Variants in FRMPD4 observed in about 807,000 individuals in gnomAD.
The protein encoded by FRMPD4 is FERM and PDZ domain containing 4, also known as FERM and PDZ domain-containing protein 4.
A neutral mutation model predicts 94.1 loss-of-function variants in FRMPD4; 22 were observed. The ratio of observed to expected loss-of-function variants is 0.23; its 90% CI spans 0.17 to 0.33. FRMPD4 has a LOEUF of 0.33. Ranked by LOEUF, FRMPD4 falls within the 10% of genes least tolerant of loss-of-function variation. The probability of loss-of-function intolerance (pLI) is 1.00; values close to 1 mark genes in which losing one functional copy is unlikely to be tolerated. For missense variants in FRMPD4, 1,111 were observed against 1,339.9 expected (o/e 0.83, Z 2.67); for synonymous variants, 631 against 548.6 (o/e 1.15, Z -2.10).
rs60928679 is a variant in FRMPD4 at position 11,862,703 on chromosome X, C to T, written c.-160-2383C>T. Among the ~76,000 whole-genome samples, 553 of 111,227 alleles carry T rather than the reference C, an allele frequency of 5.0e-3. 6 individuals carry two copies. The highest frequency in any genetic ancestry group is 0.017 in the African/African-American group (526 of 30,612). ...TGAGCTTGGCTCAGGAACTCCCTGA[C>T]AGTTTTGCTGAACCTTCCTTAGACA... is the stretch of plus-strand genomic sequence containing the variant. On this transcript the variant is annotated intron_variant, in intron 1 of 18. Coordinates refer to the FRMPD4 transcript ENST00000640291.
At chrX:12,634,691 C>T (rs940553478) in intron 4 of FRMPD4, among the ~76,000 whole-genome samples, 8 of 111,216 alleles carry the variant, frequency 7.2e-5, no homozygotes, top group African/African-American at 2.6e-4. Flanking sequence ...GCCCCTTGAA[C>T]GCTACATGTA....
At chrX:12,290,382 C>A (rs757967078) in intron 1 of FRMPD4, among the ~76,000 whole-genome samples, 2 of 112,292 alleles carry the variant, frequency 1.8e-5, no homozygotes, top group Non-Finnish European at 3.8e-5. Flanking sequence ...ACTTCACAAG[C>A]CTTACCATTG....
At chrX:12,072,520 A>G (rs2054978368) in intron 3 of FRMPD4, among the ~76,000 whole-genome samples, 2 of 111,540 alleles carry the variant, frequency 1.8e-5, no homozygotes. Context: ...GGTTGTGTGC[A>G]TTTCCTAGCA....
intron 1 of FRMPD4, among the ~76,000 whole-genome samples, chrX:12,156,498 G>A (rs1330807353): frequency 2.7e-5 from 3 of 111,514 alleles, no homozygotes; most frequent in Non-Finnish European, 5.6e-5. Context: ...CTGATTCATC[G>A]GCTGGTGACA....
intron 1 of FRMPD4, among the ~76,000 whole-genome samples, chrX:12,477,230 T>C (rs1476247449): frequency 9.0e-6 from 1 of 111,028 alleles, no homozygotes; most frequent in Non-Finnish European, 1.9e-5. Context: ...CCACATGTTC[T>C]CACTCGTAGG....
intron 8 of FRMPD4, among the ~76,000 whole-genome samples, chrX:12,692,669 C>T (rs1414730810): frequency 8.9e-6 from 1 of 111,891 alleles, no homozygotes; most frequent in East Asian, 2.8e-4. Context: ...TTTTGCATTA[C>T]GTTAATTCAT....
At chrX:12,561,266 A>T (rs2058657522) in intron 2 of FRMPD4, among the ~76,000 whole-genome samples, 1 of 112,797 alleles carries the variant, frequency 8.9e-6, no homozygotes, top group Non-Finnish European at 1.9e-5. Context: ...AAAACAATAA[A>T]AAAAGTTAAA....
chrX:11,998,737 C>A (rs2054509374), intron 3 of FRMPD4, among the ~76,000 whole-genome samples: 1 of 111,931 alleles, frequency 8.9e-6, no homozygotes, highest in African/African-American at 3.2e-5. Context: ...ATTGTTCATA[C>A]TCAGAGGATA....
chrX:12,147,496 C>T lies in FRMPD4; in HGVS notation c.41+8484C>T, dbSNP rs565730981. Among the ~76,000 whole-genome samples the T allele has an allele frequency of 8.9e-4, 100 of 112,524 alleles. 1 individual carries two copies. The highest frequency in any genetic ancestry group is 9.1e-3 in the Middle Eastern group (2 of 219). On this transcript the variant is annotated intron_variant, in intron 1 of 16. Coordinates refer to ENST00000675598, the MANE Select transcript of FRMPD4 (RefSeq NM_001368397.1). ...TCAGGCAAACCTGTGAGCATGAAAACAGATGCTTATTCTTGTATGACACTG... is the reference window on the plus strand; with the variant it reads ...TCAGGCAAACCTGTGAGCATGAAAATAGATGCTTATTCTTGTATGACACTG...
intron 3 of FRMPD4, among the ~76,000 whole-genome samples, chrX:11,996,127 A>T: frequency 8.9e-6 from 1 of 112,156 alleles, no homozygotes. Context: ...AAGAAAAAAA[A>T]ATAAAGCAGA....
At chrX:11,860,193 T>C (rs773648563) in intron 1 of FRMPD4, among the ~76,000 whole-genome samples, 1 of 112,758 alleles carries the variant, frequency 8.9e-6, no homozygotes, top group Non-Finnish European at 1.9e-5. Context: ...AGATATTGTT[T>C]TCTCTTTAAG....
intron 1 of FRMPD4, among the ~76,000 whole-genome samples, chrX:12,297,597 G>T (rs887313924): frequency 8.9e-6 from 1 of 111,859 alleles, no homozygotes; most frequent in African/African-American, 3.3e-5. Flanking sequence ...ATAAGAAATT[G>T]TGGGAGACGA....
intron 4 of FRMPD4, among the ~76,000 whole-genome samples, chrX:12,646,052 T>A (rs1048033676): frequency 8.9e-6 from 1 of 112,154 alleles, no homozygotes; most frequent in Admixed American, 9.5e-5. Flanking sequence ...TTTTAGAGGA[T>A]AGATAAGGAA....
chrX:12,368,415 A>G (rs771276290), intron 1 of FRMPD4, among the ~76,000 whole-genome samples: 2 of 112,191 alleles, frequency 1.8e-5, no homozygotes, highest in Admixed American at 9.5e-5. Flanking sequence ...TATTCTTTCC[A>G]GTAAAGTGAG....
chrX:12,328,423 C>G (rs114246673), intron 1 of FRMPD4, among the ~76,000 whole-genome samples: 3,104 of 111,605 alleles, frequency 0.028, 111 homozygotes, highest in African/African-American at 0.097. Context: ...CCAGCTGAGG[C>G]CACACTAGAC....
At chrX:11,902,763 G>T (rs1007937963) in intron 3 of FRMPD4, among the ~76,000 whole-genome samples, 3 of 111,193 alleles carry the variant, frequency 2.7e-5, no homozygotes, top group Admixed American at 9.6e-5. Context: ...AAATGGAAAT[G>T]GTGGGGGCCT....
chrX:12,187,459 C>T (rs1422712261), intron 1 of FRMPD4, among the ~76,000 whole-genome samples: 1 of 111,651 alleles, frequency 9.0e-6, no homozygotes, highest in Non-Finnish European at 1.9e-5. Context: ...GAATGGCTAT[C>T]CAATTTTAAG....
intron 3 of FRMPD4, among the ~76,000 whole-genome samples, chrX:11,953,603 C>T (rs942654015): frequency 3.6e-5 from 4 of 111,193 alleles, no homozygotes; most frequent in African/African-American, 1.3e-4. Context: ...ACGAATGGTC[C>T]CACCAGAAGA....
intron 3 of FRMPD4, among the ~76,000 whole-genome samples, chrX:12,047,721 T>C (rs1255173382): frequency 1.8e-5 from 2 of 112,069 alleles, no homozygotes; most frequent in East Asian, 5.6e-4. Flanking sequence ...GATGTTTAGC[T>C]CCCACTTATA....
Sources: allele counts gnomAD v4.1 joint callset (sites outside exome capture counted in the v4.1 genomes callset), GRCh38; gene constraint gnomAD v4.1.1; transcripts MANE v1.5; gene names NCBI Gene and HGNC (gene_info 2026-07-23, HGNC 2026-07-21).